The following FBXL20 variants were observed in gnomAD, a reference collection of about 807,000 sequenced individuals.
FBXL20 encodes the protein F-box and leucine rich repeat protein 20, also known as F-box/LRR-repeat protein 20.
Under a neutral mutation model 64.0 loss-of-function variants are expected in FBXL20, and 11 were observed. The observed-to-expected ratio is 0.17, with a 90% CI of 0.11 to 0.28. The LOEUF is 0.28. Ranked by LOEUF, FBXL20 falls within the 10% of genes least tolerant of loss-of-function variation. The pLI is 1.00. For missense variants in FBXL20, 303 were observed against 526.2 expected (o/e 0.58, Z 4.15); for synonymous variants, 184 against 189.0 (o/e 0.97, Z 0.22).
intron 9 of FBXL20, among the ~76,000 whole-genome samples, chr17:39,278,589 C>A: frequency 6.7e-6 from 1 of 149,070 alleles, no homozygotes; most frequent in East Asian, 2.0e-4. Flanking sequence ...GCTGTGTCGC[C>A]CAGGCTGGAG....
intron 2 of FBXL20, among the ~76,000 whole-genome samples, chr17:39,305,620 C>T (rs79525527): frequency 0.02 from 3,070 of 152,152 alleles, 56 homozygotes; most frequent in Non-Finnish European, 0.032. Context: ...GATGTGAGGG[C>T]AGGAGGATAA....
At chr17:39,318,841 C>T (rs1181544899) in intron 2 of FBXL20, among the ~76,000 whole-genome samples, 1 of 152,064 alleles carries the variant, frequency 6.6e-6, no homozygotes, top group African/African-American at 2.4e-5. Flanking sequence ...CCAGAAACTC[C>T]CTAAAAAAGA....
At chr17:39,337,187 T>C (rs1192864108) in intron 2 of FBXL20, among the ~76,000 whole-genome samples, 3 of 152,208 alleles carry the variant, frequency 2.0e-5, no homozygotes, top group Non-Finnish European at 4.4e-5. Flanking sequence ...GGGGTTTCGC[T>C]GTGTTGGCCG....
intron 1 of FBXL20, among the ~76,000 whole-genome samples, chr17:39,348,422 T>C (rs2047655081): frequency 6.6e-6 from 1 of 151,750 alleles, no homozygotes; most frequent in South Asian, 2.1e-4. Flanking sequence ...ATCATGCTAC[T>C]GCAGTCCAGC....
intron 6 of FBXL20, among the ~76,000 whole-genome samples, chr17:39,286,611 C>G (rs936819215): frequency 6.6e-6 from 1 of 151,968 alleles, no homozygotes; most frequent in Non-Finnish European, 1.5e-5. Context: ...CCAGCCTGAC[C>G]AACATTGTGA....
At chr17:39,308,546 CA>C (rs2047203687) in intron 2 of FBXL20, among the ~76,000 whole-genome samples, 1 of 148,452 alleles carries the variant, frequency 6.7e-6, no homozygotes, top group Admixed American at 6.9e-5. Context: ...AATAAAAAAT[CA>C]AAAAAATTTT....
At chr17:39,401,821 G>A, upstream of FBXL20, 1 of 663,028 alleles carries the variant, frequency 1.5e-6, no homozygotes, top group Non-Finnish European at 2.0e-6. Flanking sequence ...GGAGCAGCCG[G>A]TGCGCGGCGG....
At position 39,384,481 on chromosome 17, in the gene FBXL20, C is replaced by T. The variant is rs375495610; in HGVS notation, c.42+16880G>A. ...CAGAGGTTGTAGTGAGCCGAGATCA[C>T]GTCACTGCACTCCACCCTGGAGGCA... On this transcript the variant is annotated intron_variant, in intron 1 of 14. Coordinates refer to ENST00000264658, the MANE Select transcript of FBXL20 (RefSeq NM_032875.3). 1.8e-4 allele frequency among the ~76,000 whole-genome samples: 28 copies of T among 151,612 alleles called. 1 individual carries two copies. In the East Asian group the frequency reaches 4.1e-3, roughly 22 times the overall value.
chr17:39,402,485 G>A (rs995955950), upstream of FBXL20: 3 of 339,490 alleles, frequency 8.8e-6, no homozygotes, highest in Non-Finnish European at 1.6e-5. Context: ...GCCGGGGGTC[G>A]GGGGTGCAGG....
intron 1 of FBXL20, among the ~76,000 whole-genome samples, chr17:39,364,595 A>G (rs146205295): frequency 3.3e-5 from 5 of 152,168 alleles, no homozygotes; most frequent in African/African-American, 4.8e-5. Context: ...GGGAGACAGA[A>G]CAAGACCCTG....
intron 1 of FBXL20, among the ~76,000 whole-genome samples, chr17:39,363,268 C>G (rs1290742000): frequency 6.6e-6 from 1 of 151,966 alleles, no homozygotes; most frequent in African/African-American, 2.4e-5. Flanking sequence ...CCAGCCTGGG[C>G]CTCCCAAAGT....
chr17:39,401,039 G>C (rs2048236558), intron 1 of FBXL20, among the ~76,000 whole-genome samples: 1 of 152,236 alleles, frequency 6.6e-6, no homozygotes, highest in Non-Finnish European at 1.5e-5. Flanking sequence ...CGTGATGGCT[G>C]GGTGGAAGGA....
intron 2 of FBXL20, among the ~76,000 whole-genome samples, chr17:39,315,184 C>T (rs1442122886): frequency 6.6e-6 from 1 of 152,042 alleles, no homozygotes; most frequent in African/African-American, 2.4e-5. Context: ...CCGCCTGCCT[C>T]GGCCTCCACA....
intron 1 of FBXL20, among the ~76,000 whole-genome samples, chr17:39,371,140 C>T (rs1292389126): frequency 6.6e-6 from 1 of 152,140 alleles, no homozygotes; most frequent in Admixed American, 6.6e-5. Flanking sequence ...ATCACTTGAA[C>T]CTGGGAGGCG....
chr17:39,362,525 G>A (rs1183160479), intron 1 of FBXL20, among the ~76,000 whole-genome samples: 1 of 150,782 alleles, frequency 6.6e-6, no homozygotes, highest in Non-Finnish European at 1.5e-5. Context: ...TTTTCTCCAT[G>A]TTGGTCAGGC....
In FBXL20 at chr17:39,322,724, C is replaced by A. The variant is rs998862341; in HGVS notation, c.105-19085G>T. Among the ~76,000 whole-genome samples the A allele has an allele frequency of 3.9e-5, 6 of 152,178 alleles. No homozygotes were observed. In the East Asian group the frequency reaches 1.2e-3, roughly 29 times the overall value. On this transcript the variant is annotated intron_variant, in intron 2 of 14. Coordinates refer to ENST00000264658, the MANE Select transcript of FBXL20 (RefSeq NM_032875.3). Reference sequence around the variant, plus strand: ...TATAATGAGTAAAATAATGAAACTACTTCTGTAACCCACATAGGAAATAAA... The same window carrying A: ...TATAATGAGTAAAATAATGAAACTAATTCTGTAACCCACATAGGAAATAAA...
chr17:39,270,715 C>T (rs2046836167), intron 11 of FBXL20, 81 bp downstream of exon 11: 7 of 1,227,852 alleles, frequency 5.7e-6, no homozygotes, highest in African/African-American at 1.5e-5. Flanking sequence ...TCACATTTCC[C>T]TTGCTGCTTG....
chr17:39,330,936 TA>T (rs1425748025), intron 2 of FBXL20, among the ~76,000 whole-genome samples: 1 of 152,208 alleles, frequency 6.6e-6, no homozygotes, highest in Non-Finnish European at 1.5e-5. Context: ...GGCAAGCCTT[TA>T]AAAATAAAAT....
rs146781680 is a variant in FBXL20, at chr17:39,380,318, C to T, written c.42+21043G>A. On this transcript the variant is annotated intron_variant, in intron 1 of 14. Transcript: ENST00000264658. Reference sequence around the variant, plus strand: ...TTCATTATCTGCCCTGCTCTCTAACCACCACCACCACCCTGTTCCGAATTC... The same window carrying T: ...TTCATTATCTGCCCTGCTCTCTAACTACCACCACCACCCTGTTCCGAATTC... Among the ~76,000 whole-genome samples, 461 of 152,206 alleles carry T rather than the reference C, an allele frequency of 3.0e-3. 13 individuals are homozygous for T. The highest frequency in any genetic ancestry group is 0.029 in the Admixed American group (445 of 15,270).
Sources: allele counts gnomAD v4.1 joint callset (sites outside exome capture counted in the v4.1 genomes callset), GRCh38; gene constraint gnomAD v4.1.1; transcripts MANE v1.5; gene names NCBI Gene and HGNC (gene_info 2026-07-23, HGNC 2026-07-21).